SH2D4B: variants seen among roughly 807,000 people sequenced by gnomAD.
SH2D4B encodes SH2 domain-containing protein 4B.
Under a neutral mutation model 61.5 loss-of-function variants are expected in SH2D4B, and 45 were observed. The observed-to-expected ratio is 0.73, with a 90% CI of 0.58 to 0.94. The LOEUF (loss-of-function observed/expected upper bound fraction) is 0.94, where lower values mean the gene tolerates loss of function less well. Ranked by LOEUF, SH2D4B falls within the 40% of genes least tolerant of loss-of-function variation. The pLI is 0.00. For missense variants in SH2D4B, 572 were observed against 574.2 expected (o/e 1.00, Z 0.04); for synonymous variants, 224 against 220.4 (o/e 1.02, Z -0.14).
intron 6 of SH2D4B, among the ~76,000 whole-genome samples, chr10:80,618,185 G>A (rs1166650941): frequency 1.3e-5 from 2 of 152,222 alleles, no homozygotes; most frequent in Non-Finnish European, 1.5e-5. Flanking sequence ...CTGCTCTAGC[G>A]AAGCTGTCAG....
At chr10:80,559,894 C>T (rs1345043603) in intron 1 of SH2D4B, among the ~76,000 whole-genome samples, 7 of 151,868 alleles carry the variant, frequency 4.6e-5, no homozygotes, top group African/African-American at 1.7e-4. Flanking sequence ...ACCTTTGCCC[C>T]CCCAGAGTGG....
chr10:80,611,532 C>T (rs1842600311), intron 6 of SH2D4B, among the ~76,000 whole-genome samples: 1 of 152,180 alleles, frequency 6.6e-6, no homozygotes, highest in Admixed American at 6.5e-5. Context: ...CTGCCTCTCC[C>T]TTCTGTCCCA....
In SH2D4B at chr10:80,634,322, G is replaced by A. The variant is rs992706584; in HGVS notation, c.1026G>A (p.Glu342=). The A allele has an allele frequency of 6.5e-7, 1 of 1,544,252 alleles. No individual in the cohort carries two copies. The highest frequency in any genetic ancestry group is 8.8e-7 in the Non-Finnish European group (1 of 1,142,808). ...GAGAAGATGCAGAAGCTCTCCTGGA[G>A]AACATGACTGAGGGAGCATTCCTGG... ...ISREDAEALL[E]NMTEGAFLVR... is the part of the protein sequence containing the mutation. Residue 342 remains glutamate (E), a synonymous_variant, in exon 7 of 8, where the codon GAG becomes GAA. Coordinates refer to ENST00000646907, the MANE Select transcript of SH2D4B (RefSeq NM_001388272.1).
chr10:80,592,878 G>GT (rs34544525), intron 4 of SH2D4B, among the ~76,000 whole-genome samples: 15,030 of 148,490 alleles, frequency 0.1, 851 homozygotes, highest in Admixed American at 0.14. Flanking sequence ...ACCATGCCTA[G>GT]TTTTTTTTTT....
chr10:80,600,111 G>C (rs1331578705), intron 4 of SH2D4B, among the ~76,000 whole-genome samples: 1 of 152,188 alleles, frequency 6.6e-6, no homozygotes, highest in East Asian at 1.9e-4. Flanking sequence ...GAGCAACCCA[G>C]TCAGGCCCCC....
In SH2D4B at chr10:80,588,856, T is replaced by C. The variant is rs1842291936; in HGVS notation, c.643+79T>C. ...CTCCTCCCAATGCTGATGTACTCAT[T>C]CGTCATTTCCATTCGCTCACTCACC... is the stretch of plus-strand genomic sequence containing the variant. On this transcript the variant is annotated intron_variant, in intron 4 of 7. Transcript: ENST00000646907. The C allele has an allele frequency of 3.3e-5, 52 of 1,552,820 alleles. No homozygotes were observed. The South Asian group carries it at 6.0e-4, about 18-fold the overall frequency.
chr10:80,644,391 T>C lies in SH2D4B; in HGVS notation c.*306T>C. The C allele has an allele frequency of 3.9e-6, 1 of 259,612 alleles. No individual in the cohort carries two copies. The allele number at this position is 259,612 out of a possible 1,614,324, so 16.1% of individuals were successfully genotyped here. On this transcript the variant is annotated 3_prime_UTR_variant, in exon 8 of 8. Coordinates refer to ENST00000646907, the MANE Select transcript of SH2D4B (RefSeq NM_001388272.1). Reference sequence around the variant, plus strand: ...AGCTCTTACAGTGCGTGGACCATGTTTTAATAATCCAAAATAATTCCAGTG... The same window carrying C: ...AGCTCTTACAGTGCGTGGACCATGTCTTAATAATCCAAAATAATTCCAGTG...
chr10:80,587,453 A>G (rs549150991), intron 3 of SH2D4B, among the ~76,000 whole-genome samples: 32 of 152,072 alleles, frequency 2.1e-4, no homozygotes, highest in African/African-American at 7.0e-4. Context: ...CTAATTTTGT[A>G]TTTTTAGTAG....
At chr10:80,589,985 G>T (rs946482270) in intron 4 of SH2D4B, among the ~76,000 whole-genome samples, 1 of 152,162 alleles carries the variant, frequency 6.6e-6, no homozygotes, top group Non-Finnish European at 1.5e-5. Context: ...TTTGGGTATG[G>T]TAAGACATGC....
At chr10:80,544,068 C>CACACT (rs1178205571) in intron 1 of SH2D4B, among the ~76,000 whole-genome samples, 3 of 152,054 alleles carry the variant, frequency 2.0e-5, no homozygotes, top group Admixed American at 2.0e-4. Flanking sequence ...TGTCCCCTTC[C>CACACT]ACACTGTGGA....
Position 80,581,202 on chromosome 10 carries a change from C to A in SH2D4B, c.496-7428C>A, listed in dbSNP as rs115068904. The stretch of plus-strand genomic sequence containing the variant: ...GTCCTACTCTCCAGGTGAAGAAGAA[C>A]TGATTGAACATGGCCCTACAATTTA... On this transcript the variant is annotated intron_variant, in intron 3 of 7. Transcript: ENST00000646907. 9.3e-3 allele frequency among the ~76,000 whole-genome samples: 1,420 copies of A among 152,270 alleles called. 16 individuals are homozygous for A. The highest frequency in any genetic ancestry group is 0.032 in the African/African-American group (1,330 of 41,534).
At chr10:80,608,569 G>A (rs984429691) in intron 5 of SH2D4B, among the ~76,000 whole-genome samples, 1 of 152,128 alleles carries the variant, frequency 6.6e-6, no homozygotes. Context: ...CCAAGTCTAT[G>A]TAAGCATCTG....
At chr10:80,605,085 G>T (rs1047570915) in intron 5 of SH2D4B, among the ~76,000 whole-genome samples, 3 of 152,048 alleles carry the variant, frequency 2.0e-5, no homozygotes, top group South Asian at 4.1e-4. Flanking sequence ...GAGCCACTGC[G>T]TCCGGCTCTG....
chr10:80,610,631 G>A (rs970069157), intron 6 of SH2D4B, among the ~76,000 whole-genome samples: 5 of 152,108 alleles, frequency 3.3e-5, no homozygotes, highest in African/African-American at 1.2e-4. Context: ...CAGGGACCAA[G>A]TACAGAAATA....
intron 1 of SH2D4B, among the ~76,000 whole-genome samples, chr10:80,551,146 G>C (rs188474367): frequency 6.6e-6 from 1 of 152,072 alleles, no homozygotes; most frequent in African/African-American, 2.4e-5. Flanking sequence ...TCTACCTCCC[G>C]GGCTCACGCC....
At chr10:80,611,041 G>A (rs1218754346) in intron 6 of SH2D4B, among the ~76,000 whole-genome samples, 1 of 151,906 alleles carries the variant, frequency 6.6e-6, no homozygotes, top group Non-Finnish European at 1.5e-5. Context: ...CAGGTGTGGT[G>A]GCAGGCCCCT....
chr10:80,609,297 C>G, intron 5 of SH2D4B, 127 bp from the exon 6 acceptor site: 1 of 795,616 alleles, frequency 1.3e-6, no homozygotes, highest in Non-Finnish European at 1.9e-6. Flanking sequence ...CCCCTTCTTC[C>G]ACCCCCCCTT....
chr10:80,548,800 A>C (rs924686875), intron 1 of SH2D4B, among the ~76,000 whole-genome samples: 9 of 152,320 alleles, frequency 5.9e-5, no homozygotes, highest in Non-Finnish European at 1.2e-4. Context: ...GACCAGCCAC[A>C]TCACTGTCTA....
chr10:80,614,791 C>G (rs1385597644), intron 6 of SH2D4B, among the ~76,000 whole-genome samples: 3 of 152,226 alleles, frequency 2.0e-5, no homozygotes, highest in African/African-American at 7.2e-5. Context: ...GAAAGGTTGG[C>G]CGGGGCCTGG....
Sources: allele counts gnomAD v4.1 joint callset (sites outside exome capture counted in the v4.1 genomes callset), GRCh38; gene constraint gnomAD v4.1.1; transcripts MANE v1.5; gene names NCBI Gene and HGNC (gene_info 2026-07-23, HGNC 2026-07-21).